The following GRIA2 variants were observed in gnomAD, a reference collection of about 807,000 sequenced individuals.
The protein encoded by GRIA2 is glutamate ionotropic receptor AMPA type subunit 2, also known as glutamate receptor 2.
Under a neutral mutation model 97.3 loss-of-function variants are expected in GRIA2, and 14 were observed. The ratio of observed to expected loss-of-function variants is 0.14; its 90% confidence interval spans 0.10 to 0.23. The LOEUF is 0.23. GRIA2 is among the 10% of genes least tolerant of loss of function. The probability of loss-of-function intolerance (pLI) is 1.00; values close to 1 mark genes in which losing one functional copy is unlikely to be tolerated. For synonymous variants in GRIA2, 412 were observed against 387.8 expected (o/e 1.06, Z -0.73); for missense variants, 558 against 1,069.8 (o/e 0.52, Z 6.67).
chr4:157,354,029 G>A (rs992032231), intron 12 of GRIA2, among the ~76,000 whole-genome samples: 14 of 151,994 alleles, frequency 9.2e-5, no homozygotes, highest in African/African-American at 1.7e-4. Context: ...TTAATGATTC[G>A]AAAAATATTT....
intron 9 of GRIA2, 148 bp from the exon 10 acceptor site, chr4:157,335,523 A>G (rs1409313064): frequency 2.9e-5 from 18 of 613,830 alleles, no homozygotes; most frequent in Non-Finnish European, 4.6e-5. Flanking sequence ...TTATGCTTAA[A>G]TTATTCCTCT....
At chr4:157,253,032 C>T (rs146607502) in intron 2 of GRIA2, among the ~76,000 whole-genome samples, 1 of 151,674 alleles carries the variant, frequency 6.6e-6, no homozygotes, top group Admixed American at 6.6e-5. Flanking sequence ...TTATTTTTCA[C>T]AAAATATGTT....
chr4:157,258,837 C>T (rs755295902), intron 2 of GRIA2, among the ~76,000 whole-genome samples: 1 of 152,016 alleles, frequency 6.6e-6, no homozygotes, highest in Non-Finnish European at 1.5e-5. Context: ...AGAAAAGGAC[C>T]CACGTTGAAT....
chr4:157,311,493 A>C (rs1432416229), intron 3 of GRIA2, among the ~76,000 whole-genome samples: 1 of 152,036 alleles, frequency 6.6e-6, no homozygotes, highest in Admixed American at 6.6e-5. Flanking sequence ...AATCCATAAA[A>C]TTTTTAATGG....
chr4:157,334,202 GAAT>G, intron 9 of GRIA2, 82 bp downstream of exon 9: 1 of 742,540 alleles, frequency 1.3e-6, no homozygotes. Context: ...TATTTTAGGA[GAAT>G]AATATCTGTT....
intron 12 of GRIA2, among the ~76,000 whole-genome samples, chr4:157,351,827 G>A (rs1579385315): frequency 6.6e-6 from 1 of 152,248 alleles, no homozygotes; most frequent in Non-Finnish European, 1.5e-5. Flanking sequence ...TGAAGAAGGT[G>A]CCTTGCTTCC....
chr4:157,358,907 A>AC (rs766230278), intron 12 of GRIA2, among the ~76,000 whole-genome samples: 144 of 151,694 alleles, frequency 9.5e-4, no homozygotes, highest in Admixed American at 1.2e-3. Flanking sequence ...AAACAAACAA[A>AC]CCCCCCCCAA....
chr4:157,354,267 A>G (rs1321711304), intron 12 of GRIA2, among the ~76,000 whole-genome samples: 2 of 152,194 alleles, frequency 1.3e-5, no homozygotes, highest in East Asian at 1.9e-4. Context: ...AAAACCTACC[A>G]TCTTTAGCCA....
intron 9 of GRIA2, chr4:157,335,391 A>C (rs1735236462): frequency 2.4e-6 from 1 of 416,730 alleles, no homozygotes; most frequent in African/African-American, 2.0e-5. Context: ...AGTGACAAAC[A>C]TGGCTAGAGA....
intron 12 of GRIA2, chr4:157,342,073 G>A (rs1360115582): frequency 2.1e-6 from 2 of 953,726 alleles, no homozygotes; most frequent in Non-Finnish European, 2.5e-6. Context: ...TAAGCCCAAG[G>A]ACCTGATGTT....
At chr4:157,295,075 T>A (rs1447215732) in intron 2 of GRIA2, among the ~76,000 whole-genome samples, 1 of 152,176 alleles carries the variant, frequency 6.6e-6, no homozygotes, top group Non-Finnish European at 1.5e-5. Flanking sequence ...CTATTACTGC[T>A]GGTTCTACAA....
intron 2 of GRIA2, among the ~76,000 whole-genome samples, chr4:157,240,285 T>C (rs1044802452): frequency 1.3e-5 from 2 of 152,162 alleles, no homozygotes; most frequent in African/African-American, 4.8e-5. Context: ...ATATTTTTCA[T>C]CTTACTGAGT....
At position 157,302,914 on chromosome 4, in the gene GRIA2, T is replaced by C. The variant is rs937883076; in HGVS notation, c.230-638T>C. Among the ~76,000 whole-genome samples the C allele has an allele frequency of 4.6e-5, 7 of 152,200 alleles. 1 individual carries two copies. The highest frequency in any genetic ancestry group is 1.9e-4 in the East Asian group (1 of 5,196). On this transcript the variant is annotated intron_variant, in intron 2 of 15. Coordinates refer to ENST00000264426, the MANE Select transcript of GRIA2 (RefSeq NM_001083619.3). ...ATTATTATTTGTTTAAGAATTAATATGTAGTGTAACATATAGGGTAAGTTA... is the reference window on the plus strand; with the variant it reads ...ATTATTATTTGTTTAAGAATTAATACGTAGTGTAACATATAGGGTAAGTTA...
chr4:157,232,477 AT>A (rs1730062724), intron 2 of GRIA2, among the ~76,000 whole-genome samples: 1 of 152,168 alleles, frequency 6.6e-6, no homozygotes, highest in African/African-American at 2.4e-5. Flanking sequence ...AAATGGGAGA[AT>A]TTTGGCTTTA....
intron 2 of GRIA2, among the ~76,000 whole-genome samples, chr4:157,278,394 G>T (rs1364547197): frequency 1.3e-5 from 2 of 151,812 alleles, no homozygotes; most frequent in African/African-American, 4.8e-5. Context: ...TTTAATACAT[G>T]GTGCAGGAAC....
chr4:157,253,453 T>G (rs2126747427), intron 2 of GRIA2, among the ~76,000 whole-genome samples: 1 of 152,204 alleles, frequency 6.6e-6, no homozygotes, highest in South Asian at 2.1e-4. Flanking sequence ...TAAGTGGGAA[T>G]AAGTGTAACT....
chr4:157,243,550 C>T (rs770509022), intron 2 of GRIA2, among the ~76,000 whole-genome samples: 8 of 152,036 alleles, frequency 5.3e-5, no homozygotes, highest in Non-Finnish European at 1.2e-4. Context: ...GTGAATGCCC[C>T]CTAAAAGAGA....
At position 157,312,893 on chromosome 4, in the gene GRIA2, T is replaced by A; in HGVS notation, c.666+18T>A. On this transcript the variant is annotated intron_variant, in intron 4 of 15. Coordinates refer to ENST00000264426, the MANE Select transcript of GRIA2 (RefSeq NM_001083619.3). ...TAGACCAGGTTTGCTACTTTCTGTTTTCTAATGATGCCAGATATAGAATAT... is the reference window on the plus strand; with the variant it reads ...TAGACCAGGTTTGCTACTTTCTGTTATCTAATGATGCCAGATATAGAATAT... The A allele has an allele frequency of 7.0e-7, 1 of 1,436,546 alleles. No homozygotes were observed. The highest frequency in any genetic ancestry group is 1.9e-5 in the Admixed American group (1 of 51,868). The allele number at this position is 1,436,546 out of a possible 1,614,324, so 89.0% of individuals were successfully genotyped here. A position where few individuals can be genotyped will look rare whatever the true frequency, so the allele number is the denominator to read the frequency against.
At chr4:157,304,281 C>A (rs1366314240) in intron 3 of GRIA2, among the ~76,000 whole-genome samples, 1 of 152,148 alleles carries the variant, frequency 6.6e-6, no homozygotes, top group Non-Finnish European at 1.5e-5. Flanking sequence ...TCAGGATCAA[C>A]CCACGTATGG....
Sources: gnomAD v4.1 joint callset for allele counts (sites outside exome capture counted in the v4.1 genomes callset) on GRCh38, gnomAD v4.1.1 for gene constraint, MANE v1.5 for transcripts, NCBI Gene and HGNC (gene_info 2026-07-23, HGNC 2026-07-21) for gene names.